The following ITPR2 variants were observed in gnomAD, a reference collection of about 807,000 sequenced individuals.
ITPR2 encodes the protein inositol 1,4,5-trisphosphate-gated calcium channel ITPR2.
Under a neutral mutation model 317.1 loss-of-function variants are expected in ITPR2, and 207 were observed. The ratio of observed to expected loss-of-function variants is 0.65; its 90% CI spans 0.58 to 0.73. The LOEUF (loss-of-function observed/expected upper bound fraction) is 0.73, where lower values mean the gene tolerates loss of function less well. Among genes scored for constraint, ITPR2 ranks in the 30% least tolerant of loss-of-function variants. The pLI is 0.00. For synonymous variants in ITPR2, 1,156 were observed against 1,149.1 expected, an observed-to-expected ratio of 1.01 and a Z score of -0.12; for missense variants, 2,613 against 3,284.0, an observed-to-expected ratio of 0.80 and a Z score of 4.99.
chr12:26,773,618 C>T (rs1949908832), intron 2 of ITPR2, among the ~76,000 whole-genome samples: 1 of 152,242 alleles, frequency 6.6e-6, no homozygotes, highest in Non-Finnish European at 1.5e-5. Context: ...CTCAGAGACA[C>T]AATTAATTGT....
At chr12:26,572,293 C>T (rs1205672652) in intron 34 of ITPR2, among the ~76,000 whole-genome samples, 1 of 152,086 alleles carries the variant, frequency 6.6e-6, no homozygotes, top group Non-Finnish European at 1.5e-5. Context: ...CAGACCAGGC[C>T]AGAATGAAGT....
intron 54 of ITPR2, among the ~76,000 whole-genome samples, chr12:26,389,487 GCT>G (rs1939768037): frequency 2.3e-5 from 3 of 131,852 alleles, no homozygotes; most frequent in Admixed American, 2.3e-4. Flanking sequence ...TGGCCTCTTT[GCT>G]TTTTTTTTTT....
chr12:26,346,145 C>T (rs1158812928), intron 55 of ITPR2, among the ~76,000 whole-genome samples: 1 of 152,196 alleles, frequency 6.6e-6, no homozygotes, highest in Non-Finnish European at 1.5e-5. Flanking sequence ...AAATGCAAAA[C>T]TCCAAGATGA....
intron 48 of ITPR2, among the ~76,000 whole-genome samples, chr12:26,432,305 T>C (rs1201823984): frequency 6.6e-6 from 1 of 152,206 alleles, no homozygotes; most frequent in African/African-American, 2.4e-5. Flanking sequence ...TGAAGAGTAC[T>C]GGCCAATTAT....
intron 1 of ITPR2, among the ~76,000 whole-genome samples, chr12:26,821,656 T>C (rs1950940822): frequency 6.6e-6 from 1 of 152,182 alleles, no homozygotes; most frequent in South Asian, 2.1e-4. Flanking sequence ...TCTAACACAG[T>C]TTTTCAATTC....
chr12:26,791,434 G>C (rs1950339232), intron 1 of ITPR2, among the ~76,000 whole-genome samples: 1 of 151,602 alleles, frequency 6.6e-6, no homozygotes, highest in Admixed American at 6.6e-5. Flanking sequence ...ATCAACTCCA[G>C]CACAGGAGTT....
intron 37 of ITPR2, among the ~76,000 whole-genome samples, chr12:26,546,916 A>G (rs1441317539): frequency 2.0e-5 from 3 of 152,194 alleles, no homozygotes; most frequent in African/African-American, 7.2e-5. Flanking sequence ...TGGATTAAAG[A>G]CTTAAATATA....
chr12:26,830,258 G>C (rs1027663728), intron 1 of ITPR2, among the ~76,000 whole-genome samples: 4 of 152,212 alleles, frequency 2.6e-5, no homozygotes, highest in African/African-American at 9.7e-5. Flanking sequence ...CAGCACGAAG[G>C]CTTTGTCATA....
intron 2 of ITPR2, among the ~76,000 whole-genome samples, chr12:26,733,219 C>A (rs1447541155): frequency 6.6e-6 from 1 of 150,832 alleles, no homozygotes; most frequent in East Asian, 2.0e-4. Flanking sequence ...GAGGCTGAGG[C>A]AGCAGAATCG....
intron 55 of ITPR2, among the ~76,000 whole-genome samples, chr12:26,383,461 T>C (rs1354572419): frequency 1.3e-5 from 2 of 149,932 alleles, no homozygotes; most frequent in African/African-American, 4.9e-5. Flanking sequence ...ACTTATTCTA[T>C]GTTTTTTTGT....
chr12:26,811,277 T>C (rs1205732338), intron 1 of ITPR2, among the ~76,000 whole-genome samples: 2 of 152,202 alleles, frequency 1.3e-5, no homozygotes, highest in East Asian at 3.8e-4. Context: ...TTTCTTCCTA[T>C]TTGCATCACT....
intron 26 of ITPR2, among the ~76,000 whole-genome samples, chr12:26,617,318 A>G (rs1048018466): frequency 4.6e-5 from 7 of 152,236 alleles, no homozygotes; most frequent in African/African-American, 1.4e-4. Flanking sequence ...TTATGCCAAT[A>G]AATTCGAAGA....
intron 55 of ITPR2, among the ~76,000 whole-genome samples, chr12:26,374,546 T>C (rs1029532381): frequency 6.6e-6 from 1 of 152,244 alleles, no homozygotes; most frequent in African/African-American, 2.4e-5. Flanking sequence ...CAAAATAGTA[T>C]TTAAAGTTAG....
chr12:26,497,685 T>C (rs1942971208), intron 37 of ITPR2, among the ~76,000 whole-genome samples: 1 of 151,500 alleles, frequency 6.6e-6, no homozygotes, highest in Non-Finnish European at 1.5e-5. Flanking sequence ...AACTAACATG[T>C]CCTAAATGTC....
At chr12:26,685,524 G>C (rs1207643190) in intron 11 of ITPR2, among the ~76,000 whole-genome samples, 1 of 152,164 alleles carries the variant, frequency 6.6e-6, no homozygotes, top group African/African-American at 2.4e-5. Flanking sequence ...CTGAGTACCA[G>C]AGGTAGAGGA....
At chr12:26,614,184 C>T (rs546698333) in intron 26 of ITPR2, among the ~76,000 whole-genome samples, 2 of 152,150 alleles carry the variant, frequency 1.3e-5, no homozygotes, top group East Asian at 3.9e-4. Context: ...CCAGAGACCC[C>T]ACCCTCCATC....
intron 46 of ITPR2, among the ~76,000 whole-genome samples, chr12:26,442,562 C>T (rs1254847462): frequency 6.6e-6 from 1 of 152,130 alleles, no homozygotes; most frequent in Non-Finnish European, 1.5e-5. Context: ...ACTTTGACTT[C>T]TGGGATCTTC....
chr12:26,603,528 C>T (rs542734248), intron 26 of ITPR2, among the ~76,000 whole-genome samples: 110 of 152,226 alleles, frequency 7.2e-4, no homozygotes, highest in African/African-American at 2.6e-3. Context: ...AAAAGGGATA[C>T]AAAGAAGATA....
At chr12:26,624,589 T>G (rs867385683) in intron 23 of ITPR2, among the ~76,000 whole-genome samples, 1 of 152,158 alleles carries the variant, frequency 6.6e-6, no homozygotes, top group Admixed American at 6.5e-5. Context: ...TCAACATCAC[T>G]GATCATCAGA....
Sources: allele counts gnomAD v4.1 joint callset (sites outside exome capture counted in the v4.1 genomes callset), GRCh38; gene constraint gnomAD v4.1.1; transcripts MANE v1.5; gene names NCBI Gene and HGNC (gene_info 2026-07-23, HGNC 2026-07-21).